Variants in ERLIN1 observed in about 807,000 individuals in gnomAD.
ERLIN1 encodes ER lipid raft associated 1, also known as erlin-1.
ERLIN1 carries 24 observed loss-of-function variants against 46.9 expected under a neutral mutation model. The ratio of observed to expected loss-of-function variants is 0.51; its 90% confidence interval spans 0.37 to 0.72. The LOEUF is 0.72. ERLIN1 is among the 30% of genes least tolerant of loss of function. The pLI, the probability that ERLIN1 is intolerant of heterozygous loss-of-function variation, is 0.00. For missense variants in ERLIN1, 293 were observed against 417.9 expected, an observed-to-expected ratio of 0.70 and a Z score of 2.61; for synonymous variants, 158 against 143.2, an observed-to-expected ratio of 1.10 and a Z score of -0.74.
intron 10 of ERLIN1, among the ~76,000 whole-genome samples, chr10:100,154,329 G>A (rs1842962151): frequency 6.6e-6 from 1 of 152,090 alleles, no homozygotes; most frequent in South Asian, 2.1e-4. Context: ...AATAAACAAG[G>A]AGTACTCAAC....
At chr10:100,182,518 T>C (rs1294451772) in intron 2 of ERLIN1, among the ~76,000 whole-genome samples, 1 of 152,186 alleles carries the variant, frequency 6.6e-6, no homozygotes, top group Non-Finnish European at 1.5e-5. Context: ...CCCATGTTCA[T>C]TACACCACAT....
rs982612726 is a variant in ERLIN1 at position 100,150,629 on chromosome 10, TCCCAAATAAAGTGTTTGGC to T, written c.*1483_*1501del. 6.6e-6 allele frequency: 1 copy of T among 152,616 alleles called. No homozygotes were observed. Among genetic ancestry groups the T allele is most frequent in the African/African-American group, 2.4e-5 (1 of 41,442 alleles). The allele number at this position is 152,616 out of a possible 1,614,324, so 9.5% of individuals were successfully genotyped here. On this transcript the variant is annotated 3_prime_UTR_variant, in exon 11 of 11. Transcript: ENST00000421367. ...ACCCATTCAAATCTGGGCTTTCCTT[TCCCAAATAAAGTGTTTGGC>T]ACAACCAACAAACTGTCATGAGACT... is the stretch of plus-strand genomic sequence containing the variant.
intron 6 of ERLIN1, among the ~76,000 whole-genome samples, chr10:100,173,433 G>C (rs1844116018): frequency 6.6e-6 from 1 of 152,126 alleles, no homozygotes; most frequent in Non-Finnish European, 1.5e-5. Flanking sequence ...AAGTGTCACA[G>C]AATATTTAAA....
At chr10:100,178,890 C>T (rs1187111769) in intron 3 of ERLIN1, among the ~76,000 whole-genome samples, 1 of 151,960 alleles carries the variant, frequency 6.6e-6, no homozygotes, top group African/African-American at 2.4e-5. Flanking sequence ...TCACTATGAA[C>T]CTAAAACTGC....
chr10:100,183,738 C>T lies in ERLIN1; in HGVS notation c.195+18G>A. The T allele has an allele frequency of 6.4e-7, 1 of 1,573,426 alleles. No individual in the cohort carries two copies. Among genetic ancestry groups the T allele is most frequent in the Non-Finnish European group, 8.7e-7 (1 of 1,146,198 alleles). ...GCCTGTCTATCTGGTATGGAGGCTTCCCCTAGGAATCACTCACCTGCACAG... is the reference window on the plus strand; with the variant it reads ...GCCTGTCTATCTGGTATGGAGGCTTTCCCTAGGAATCACTCACCTGCACAG... On this transcript the variant is annotated intron_variant, in intron 2 of 10. Coordinates refer to ENST00000421367, the MANE Select transcript of ERLIN1 (RefSeq NM_006459.4).
chr10:100,164,469 C>T (rs189554184), intron 7 of ERLIN1, among the ~76,000 whole-genome samples: 23 of 152,304 alleles, frequency 1.5e-4, no homozygotes, highest in Admixed American at 7.2e-4. Flanking sequence ...CGGCACCAGC[C>T]GTTTCTACAG....
chr10:100,185,801 C>T lies in ERLIN1; in HGVS notation c.-175G>A. ...CCCTTCTGGCTGAGCCCGCTGACCC[C>T]TTGCCAACTCCTCCGCCCCCGGAGG... On this transcript the variant is annotated 5_prime_UTR_variant, in exon 1 of 11. Transcript: ENST00000421367. 5.0e-6 allele frequency: 3 copies of T among 599,262 alleles called. No homozygotes were observed. Among genetic ancestry groups the T allele is most frequent in the Admixed American group, 6.0e-5 (2 of 33,114 alleles). 37.1% of individuals were successfully genotyped at this position (599,262 alleles called of 1,614,324 possible).
At chr10:100,160,815 C>T (rs994679784) in intron 8 of ERLIN1, among the ~76,000 whole-genome samples, 10 of 152,108 alleles carry the variant, frequency 6.6e-5, no homozygotes, top group Admixed American at 6.6e-5. Flanking sequence ...GGTGTGGTGG[C>T]GTGCACTTGT....
chr10:100,178,244 A>C lies in ERLIN1; in HGVS notation c.243-50T>G, dbSNP rs1207215105. On this transcript the variant is annotated intron_variant, in intron 3 of 10. Transcript: ENST00000421367. ...AACTACTAAAGGCAATCCATAAAAC[A>C]CAGTTATAGATAGACCTGGGGAGAA... 6.0e-6 allele frequency: 7 copies of C among 1,169,850 alleles called. No homozygotes were observed. The East Asian group carries it at 1.8e-4, about 30-fold the overall frequency. The allele number at this position is 1,169,850 out of a possible 1,614,324, so 72.5% of individuals were successfully genotyped here.
In ERLIN1 at chr10:100,151,200, A is replaced by C. The variant is rs1415567415; in HGVS notation, c.*931T>G. The C allele has an allele frequency of 6.6e-6, 1 of 152,668 alleles. No individual in the cohort carries two copies. Among genetic ancestry groups the C allele is most frequent in the Non-Finnish European group, 1.5e-5 (1 of 68,050 alleles). 9.5% of individuals were successfully genotyped at this position (152,668 alleles called of 1,614,324 possible). On this transcript the variant is annotated 3_prime_UTR_variant, in exon 11 of 11. Transcript: ENST00000421367. ...AAAAACTTCCTGTAATTATGATACA[A>C]TACTGTGCAGCAAGTCACTAGGAAT...
At chr10:100,170,905 T>C (rs1191921535) in intron 6 of ERLIN1, among the ~76,000 whole-genome samples, 1 of 152,144 alleles carries the variant, frequency 6.6e-6, no homozygotes, top group African/African-American at 2.4e-5. Flanking sequence ...TAGTATATAA[T>C]GGAATGCAGT....
At position 100,185,853 on chromosome 10, in the gene ERLIN1, C is replaced by T. The variant is rs747940553; in HGVS notation, c.-227G>A. On this transcript the variant is annotated 5_prime_UTR_variant, in exon 1 of 11. Transcript: ENST00000421367. ...CAGTGGGCCGCCCCTGCTCGGTGAG[C>T]TTCCTGAAACTCCCTCTCCCAAGGG... 320 of 566,546 alleles carry T rather than the reference C, an allele frequency of 5.6e-4. No individual in the cohort carries two copies. Among genetic ancestry groups the T allele is most frequent in the Non-Finnish European group, 7.2e-4 (228 of 317,704 alleles). 35.1% of individuals were successfully genotyped at this position (566,546 alleles called of 1,614,324 possible). A position where few individuals can be genotyped will look rare whatever the true frequency, so the allele number is the denominator to read the frequency against.
At chr10:100,164,200 A>T (rs1843509727) in intron 7 of ERLIN1, 105 bp from the exon 8 acceptor site, 1 of 690,004 alleles carries the variant, frequency 1.4e-6, no homozygotes, top group Non-Finnish European at 2.5e-6. Context: ...TGTCAACATG[A>T]GCTTTTGGAC....
intron 4 of ERLIN1, among the ~76,000 whole-genome samples, chr10:100,176,765 TTC>T (rs750542313): frequency 3.5e-4 from 53 of 152,284 alleles, no homozygotes; most frequent in South Asian, 6.2e-4. Flanking sequence ...TGCTTTCTAC[TTC>T]TGTCTTCAGA....
intron 3 of ERLIN1, 136 bp downstream of exon 3, chr10:100,179,065 T>C (rs1325671374): frequency 6.4e-6 from 4 of 623,214 alleles, no homozygotes; most frequent in Non-Finnish European, 1.1e-5. Flanking sequence ...AGGCCTTTGC[T>C]CAAACAATGC....
intron 4 of ERLIN1, among the ~76,000 whole-genome samples, chr10:100,177,363 T>C (rs1844370594): frequency 6.6e-6 from 1 of 152,172 alleles, no homozygotes; most frequent in South Asian, 2.1e-4. Flanking sequence ...CAAATGCCCT[T>C]GACAGTAATA....
intron 6 of ERLIN1, among the ~76,000 whole-genome samples, chr10:100,171,586 T>A (rs918396384): frequency 8.5e-5 from 13 of 152,056 alleles, no homozygotes; most frequent in Non-Finnish European, 1.3e-4. Context: ...TTTAAAAAAA[T>A]TTTTTGTGGA....
Position 100,166,894 on chromosome 10 carries a change from C to A in ERLIN1, c.563+454G>T, listed in dbSNP as rs149353465. On this transcript the variant is annotated intron_variant, in intron 7 of 10. Transcript: ENST00000421367. The stretch of plus-strand genomic sequence containing the variant: ...TTCCCTAGAGGCACATTATAAAGAA[C>A]CAGGTCTAATTTTAGATATACAATC... Among the ~76,000 whole-genome samples, 364 of 152,266 alleles carry A rather than the reference C, an allele frequency of 2.4e-3. 1 individual carries two copies. Among genetic ancestry groups the A allele is most frequent in the African/African-American group, 8.5e-3 (355 of 41,536 alleles).
At chr10:100,182,649 A>T (rs1354917056) in intron 2 of ERLIN1, among the ~76,000 whole-genome samples, 1 of 152,234 alleles carries the variant, frequency 6.6e-6, no homozygotes, top group Non-Finnish European at 1.5e-5. Flanking sequence ...GAAAACACAT[A>T]AAAAAACTTA....
Sources: gnomAD v4.1 joint callset for allele counts (sites outside exome capture counted in the v4.1 genomes callset) on GRCh38, gnomAD v4.1.1 for gene constraint, MANE v1.5 for transcripts, NCBI Gene and HGNC (gene_info 2026-07-23, HGNC 2026-07-21) for gene names.